MGAT4C: variants seen among roughly 807,000 people sequenced by gnomAD.
MGAT4C encodes MGAT4 family member C.
In MGAT4C, 19 loss-of-function variants were observed where a neutral mutation model predicts 40.1. The observed-to-expected ratio is 0.47, with a 90% CI of 0.33 to 0.70. The LOEUF is 0.70. Ranked by LOEUF, MGAT4C falls within the 30% of genes least tolerant of loss-of-function variation. MGAT4C has a pLI of 0.02. For synonymous variants in MGAT4C, 181 were observed against 187.1 expected, an observed-to-expected ratio of 0.97 and a Z score of 0.27; for missense variants, 491 against 563.2, an observed-to-expected ratio of 0.87 and a Z score of 1.30.
intron 3 of MGAT4C, among the ~76,000 whole-genome samples, chr12:86,358,703 A>G (rs1955376809): frequency 6.6e-6 from 1 of 152,198 alleles, no homozygotes; most frequent in Admixed American, 6.5e-5. Context: ...CAGACTTTAA[A>G]CCAACAAAGA....
chr12:86,760,455 A>G (rs972891755), intron 1 of MGAT4C, among the ~76,000 whole-genome samples: 2 of 152,094 alleles, frequency 1.3e-5, no homozygotes, highest in Non-Finnish European at 2.9e-5. Context: ...TTCAAATTCA[A>G]TGAGAATGCA....
In MGAT4C at chr12:85,972,361, T is replaced by C. The variant is rs555318699; in HGVS notation, c.*6928A>G. 1 of 151,142 alleles carries C rather than the reference T, an allele frequency of 6.6e-6. No homozygotes were observed. Among genetic ancestry groups the C allele is most frequent in the Admixed American group, 6.6e-5 (1 of 15,094 alleles). The allele number at this position is 151,142 out of a possible 1,614,324, so 9.4% of individuals were successfully genotyped here. On this transcript the variant is annotated 3_prime_UTR_variant, in exon 5 of 5. Coordinates refer to ENST00000611864, the MANE Select transcript of MGAT4C (RefSeq NM_001351288.2). ...ACAGCTAAGCTTATAGATATTTTCA[T>C]TTAAAGAAAAACTATTTGTTCATTT...
chr12:86,013,795 C>T (rs952688042), intron 2 of MGAT4C: 28 of 926,726 alleles, frequency 3.0e-5, no homozygotes, highest in Non-Finnish European at 3.5e-5. Flanking sequence ...TCTTAGTAAA[C>T]TCTTTTCTCT....
intron 1 of MGAT4C, among the ~76,000 whole-genome samples, chr12:86,254,342 C>A (rs1444195863): frequency 6.6e-6 from 1 of 151,986 alleles, no homozygotes; most frequent in African/African-American, 2.4e-5. Flanking sequence ...TTTAACACTG[C>A]AGTCACCATC....
At chr12:86,212,404 A>G (rs1270991837) in intron 1 of MGAT4C, among the ~76,000 whole-genome samples, 1 of 152,160 alleles carries the variant, frequency 6.6e-6, no homozygotes, top group African/African-American at 2.4e-5. Context: ...GAGGAGGAAA[A>G]TATAGGAATG....
At chr12:86,767,068 A>G (rs1166552752) in intron 1 of MGAT4C, among the ~76,000 whole-genome samples, 3 of 152,324 alleles carry the variant, frequency 2.0e-5, no homozygotes, top group South Asian at 4.1e-4. Context: ...CAAAAAATTA[A>G]TGAATCCAGA....
At chr12:86,434,105 T>C (rs1435798279) in intron 3 of MGAT4C, among the ~76,000 whole-genome samples, 2 of 152,116 alleles carry the variant, frequency 1.3e-5, no homozygotes, top group African/African-American at 2.4e-5. Flanking sequence ...AAAATGATTG[T>C]ATTTAAATCT....
intron 2 of MGAT4C, among the ~76,000 whole-genome samples, chr12:86,501,118 T>C (rs2136333797): frequency 6.6e-6 from 1 of 152,158 alleles, no homozygotes; most frequent in South Asian, 2.1e-4. Flanking sequence ...AAAACTTGTT[T>C]AATTGTATAG....
intron 2 of MGAT4C, among the ~76,000 whole-genome samples, chr12:86,511,848 GA>G (rs1265315347): frequency 2.0e-5 from 3 of 152,090 alleles, no homozygotes; most frequent in African/African-American, 7.2e-5. Flanking sequence ...TAGTTTCTTG[GA>G]TATAACACTA....
chr12:86,684,363 A>G (rs1950034082), intron 2 of MGAT4C, among the ~76,000 whole-genome samples: 1 of 152,200 alleles, frequency 6.6e-6, no homozygotes. Flanking sequence ...ACATAAACTC[A>G]TTAATTTTTA....
intron 2 of MGAT4C, among the ~76,000 whole-genome samples, chr12:86,641,083 G>A (rs994176619): frequency 3.3e-5 from 5 of 151,400 alleles, no homozygotes; most frequent in Non-Finnish European, 5.9e-5. Flanking sequence ...TGTTTATTGC[G>A]GCACTATTCA....
intron 1 of MGAT4C, among the ~76,000 whole-genome samples, chr12:86,793,304 G>C (rs1185931648): frequency 6.6e-6 from 1 of 152,096 alleles, no homozygotes; most frequent in Non-Finnish European, 1.5e-5. Flanking sequence ...AGTAATTAAA[G>C]CAAACGAAAT....
At chr12:86,442,430 C>T (rs1371324671) in intron 2 of MGAT4C, among the ~76,000 whole-genome samples, 1 of 152,056 alleles carries the variant, frequency 6.6e-6, no homozygotes, top group Non-Finnish European at 1.5e-5. Flanking sequence ...ATGCCTATGT[C>T]CTGAATGGTA....
At chr12:86,502,592 T>C (rs1958368193) in intron 2 of MGAT4C, among the ~76,000 whole-genome samples, 1 of 136,012 alleles carries the variant, frequency 7.4e-6, no homozygotes, top group Non-Finnish European at 1.6e-5. Context: ...AAAGCAGTGT[T>C]TGGAGGGTGA....
chr12:86,564,858 C>A (rs1164963750), intron 2 of MGAT4C, among the ~76,000 whole-genome samples: 1 of 152,132 alleles, frequency 6.6e-6, no homozygotes, highest in African/African-American at 2.4e-5. Flanking sequence ...CAGGTCCAGG[C>A]TGCTGTGCAA....
At chr12:86,035,099 T>C (rs1891107423) in intron 2 of MGAT4C, among the ~76,000 whole-genome samples, 1 of 150,052 alleles carries the variant, frequency 6.7e-6, no homozygotes, top group Admixed American at 6.7e-5. Context: ...TACCCAGTAA[T>C]GGGATTGCTG....
At chr12:86,408,306 T>C (rs1211600590) in intron 3 of MGAT4C, among the ~76,000 whole-genome samples, 2 of 151,858 alleles carry the variant, frequency 1.3e-5, no homozygotes, top group Non-Finnish European at 2.9e-5. Flanking sequence ...TGAAATCAGC[T>C]ATTTTCTGAG....
intron 1 of MGAT4C, among the ~76,000 whole-genome samples, chr12:86,068,937 A>G (rs145577522): frequency 2.2e-4 from 33 of 152,222 alleles, no homozygotes; most frequent in African/African-American, 7.7e-4. Flanking sequence ...GGTTGATAAT[A>G]TAGTATTGCT....
chr12:86,809,700 A>T (rs1952433776), intron 1 of MGAT4C, among the ~76,000 whole-genome samples: 1 of 151,842 alleles, frequency 6.6e-6, no homozygotes, highest in Non-Finnish European at 1.5e-5. Flanking sequence ...GCCATTTTAT[A>T]ATTAGATTTT....
Sources: gnomAD v4.1 joint callset for allele counts (sites outside exome capture counted in the v4.1 genomes callset) on GRCh38, gnomAD v4.1.1 for gene constraint, MANE v1.5 for transcripts, NCBI Gene and HGNC (gene_info 2026-07-23, HGNC 2026-07-21) for gene names.